Variants in GRAMD1B observed in about 807,000 individuals in gnomAD.
GRAMD1B encodes GRAM domain containing 1B, also known as protein Aster-B.
GRAMD1B carries 37 observed loss-of-function variants against 99.7 expected under a neutral mutation model. The ratio of observed to expected loss-of-function variants is 0.37; its 90% CI spans 0.29 to 0.49. The LOEUF (loss-of-function observed/expected upper bound fraction) is 0.49. GRAMD1B is among the 20% of genes least tolerant of loss of function. The probability of loss-of-function intolerance (pLI) is 0.98; values close to 1 mark genes in which losing one functional copy is unlikely to be tolerated. For missense variants in GRAMD1B, 888 were observed against 1,009.2 expected (o/e 0.88, Z 1.63); for synonymous variants, 427 against 387.6 (o/e 1.10, Z -1.19).
At position 123,503,639 on chromosome 11, in the gene GRAMD1B, C is replaced by A. The variant is rs150416131; in HGVS notation, c.452+22746C>A. On this transcript the variant is annotated intron_variant, in intron 2 of 19. Transcript: ENST00000635736. Reference sequence around the variant, plus strand: ...TTGGCTCACTGCAACCTCTGCCTCCCGGGTTCAAGGCATGCTCCTGCCTCA... The same window carrying A: ...TTGGCTCACTGCAACCTCTGCCTCCAGGGTTCAAGGCATGCTCCTGCCTCA... Among the ~76,000 whole-genome samples, 3 of 152,028 alleles carry A rather than the reference C, an allele frequency of 2.0e-5. No individual in the cohort carries two copies. In the South Asian group the frequency reaches 6.2e-4, roughly 32 times the overall value.
intron 1 of GRAMD1B, among the ~76,000 whole-genome samples, chr11:123,408,637 T>C (rs1017731036): frequency 9.9e-5 from 15 of 152,236 alleles, no homozygotes; most frequent in African/African-American, 3.6e-4. Flanking sequence ...CCAGAGGGTG[T>C]TGTCCATAGG....
chr11:123,461,963 A>AT (rs1950438809), intron 1 of GRAMD1B, among the ~76,000 whole-genome samples: 2 of 109,942 alleles, frequency 1.8e-5, no homozygotes, highest in Non-Finnish European at 1.9e-5. Flanking sequence ...TCATTTGTTT[A>AT]TTTCTTTTTT....
intron 4 of GRAMD1B, among the ~76,000 whole-genome samples, chr11:123,586,934 T>C (rs1278953164): frequency 6.6e-6 from 1 of 152,170 alleles, no homozygotes; most frequent in Non-Finnish European, 1.5e-5. Flanking sequence ...GTAAAGGCAT[T>C]GTAACGCCCA....
chr11:123,364,247 A>G (rs757674017), intron 1 of GRAMD1B, among the ~76,000 whole-genome samples: 12 of 152,254 alleles, frequency 7.9e-5, no homozygotes, highest in South Asian at 2.1e-4. Context: ...GGACTCGGAA[A>G]GGAGCGCTTC....
chr11:123,384,217 C>T (rs1278882496), intron 1 of GRAMD1B, among the ~76,000 whole-genome samples: 1 of 152,172 alleles, frequency 6.6e-6, no homozygotes, highest in Admixed American at 6.6e-5. Context: ...CCCTAAGTGT[C>T]TTACCACCTT....
At chr11:123,483,368 A>G (rs1040308613) in intron 2 of GRAMD1B, among the ~76,000 whole-genome samples, 3 of 150,040 alleles carry the variant, frequency 2.0e-5, no homozygotes, top group African/African-American at 7.3e-5. Context: ...GTTTATTTCC[A>G]TTTAATATTT....
At chr11:123,376,537 C>A (rs1360860321) in intron 1 of GRAMD1B, among the ~76,000 whole-genome samples, 1 of 152,100 alleles carries the variant, frequency 6.6e-6, no homozygotes, top group Non-Finnish European at 1.5e-5. Context: ...TACAGACAAT[C>A]GGAACTATCT....
chr11:123,466,367 A>G (rs549582753), intron 1 of GRAMD1B, among the ~76,000 whole-genome samples: 4 of 63,354 alleles, frequency 6.3e-5, no homozygotes, highest in South Asian at 7.6e-4. Flanking sequence ...GGAAGGAAGG[A>G]AAAAGAAAGA....
intron 1 of GRAMD1B, among the ~76,000 whole-genome samples, chr11:123,386,030 T>C (rs1947044977): frequency 6.6e-6 from 1 of 152,250 alleles, no homozygotes; most frequent in Non-Finnish European, 1.5e-5. Context: ...GAACATCATA[T>C]GTATAGGCTT....
rs117301189 is a variant in GRAMD1B, at chr11:123,619,898, G to T, written c.2544+674G>T. Among the ~76,000 whole-genome samples, 434 of 152,300 alleles carry T rather than the reference G, an allele frequency of 2.8e-3. 3 individuals carry two copies. Among genetic ancestry groups the T allele is most frequent in the Admixed American group, 0.01 (160 of 15,302 alleles). On this transcript the variant is annotated intron_variant, in intron 19 of 19. Coordinates refer to ENST00000635736, the MANE Select transcript of GRAMD1B (RefSeq NM_001387025.1). ...AGGAATCTGCCTTTGCTGTGCAAGA[G>T]AATTAGAAAATAATAGACTCAGGAT...
At chr11:123,426,067 T>C (rs1948637092), upstream of GRAMD1B, among the ~76,000 whole-genome samples, 1 of 152,214 alleles carries the variant, frequency 6.6e-6, no homozygotes, top group Non-Finnish European at 1.5e-5. Context: ...CAGGGAGGTG[T>C]TTAGCATCCG....
At chr11:123,392,729 C>T (rs1305566742) in intron 1 of GRAMD1B, among the ~76,000 whole-genome samples, 1 of 152,088 alleles carries the variant, frequency 6.6e-6, no homozygotes, top group Non-Finnish European at 1.5e-5. Context: ...AAAAGAAAGG[C>T]AGGATTTATT....
chr11:123,429,502 AC>A (rs1405310561), upstream of GRAMD1B, among the ~76,000 whole-genome samples: 1 of 152,120 alleles, frequency 6.6e-6, no homozygotes, highest in African/African-American at 2.4e-5. The surrounding 1 kb of genome is among the most constrained non-coding windows in gnomAD (Gnocchi z 4.0). Context: ...CTGAAGCAGA[AC>A]TGAATCAGCC....
chr11:123,451,655 C>G (rs1216050071), intron 1 of GRAMD1B, among the ~76,000 whole-genome samples: 1 of 152,140 alleles, frequency 6.6e-6, no homozygotes, highest in Non-Finnish European at 1.5e-5. Context: ...CTCCCCTGCT[C>G]CCCTTCCCAT....
intron 1 of GRAMD1B, among the ~76,000 whole-genome samples, chr11:123,439,070 C>T (rs1269575323): frequency 6.6e-6 from 1 of 152,152 alleles, no homozygotes; most frequent in Admixed American, 6.5e-5. Flanking sequence ...CAGTGTGTGA[C>T]TTGCCAAGGG....
chr11:123,605,017 A>C (rs1017961681), intron 9 of GRAMD1B, among the ~76,000 whole-genome samples: 1 of 152,124 alleles, frequency 6.6e-6, no homozygotes, highest in African/African-American at 2.4e-5. Flanking sequence ...ATGGAAAAAA[A>C]ATAGCTTAAG....
chr11:123,379,529 C>T (rs547321281), intron 1 of GRAMD1B, among the ~76,000 whole-genome samples: 27 of 152,122 alleles, frequency 1.8e-4, no homozygotes, highest in Non-Finnish European at 3.1e-4. Context: ...TGTTTATTAC[C>T]GAATAATATT....
At chr11:123,552,562 T>C (rs1169985500) in intron 2 of GRAMD1B, among the ~76,000 whole-genome samples, 1 of 151,880 alleles carries the variant, frequency 6.6e-6, no homozygotes, top group East Asian at 1.9e-4. Context: ...GTCTTCTCTT[T>C]CAAAGGCAGC....
intron 7 of GRAMD1B, chr11:123,599,475 G>A (rs1203160827): frequency 1.5e-5 from 9 of 598,230 alleles, no homozygotes; most frequent in African/African-American, 7.4e-5. Context: ...ACGGCCTCTC[G>A]TTGTTGCTGT....
Sources: gnomAD v4.1 joint callset for allele counts (sites outside exome capture counted in the v4.1 genomes callset) on GRCh38, gnomAD v4.1.1 for gene constraint, Gnocchi (gnomAD v3.1) non-coding constraint, MANE v1.5 for transcripts, NCBI Gene and HGNC (gene_info 2026-07-23, HGNC 2026-07-21) for gene names.